Variants in MAMSTR observed in about 807,000 individuals in gnomAD.
The protein encoded by MAMSTR is MEF2 activating motif and SAP domain containing transcriptional regulator, also known as MEF2-activating motif and SAP domain-containing transcriptional regulator.
In MAMSTR, 41 loss-of-function variants were observed where a neutral mutation model predicts 42.7. That is an observed-to-expected ratio of 0.96 (90% CI 0.75 to 1.25). The LOEUF (loss-of-function observed/expected upper bound fraction) is 1.25. Among genes scored for constraint, MAMSTR ranks in the 50% most tolerant of loss-of-function variants. The pLI is 0.00. For synonymous variants in MAMSTR, 265 were observed against 244.1 expected, an observed-to-expected ratio of 1.09 and a Z score of -0.80; for missense variants, 567 against 557.6, an observed-to-expected ratio of 1.02 and a Z score of -0.17.
At chr19:48,718,066 C>T (rs1348252550) in intron 2 of MAMSTR, among the ~76,000 whole-genome samples, 2 of 152,172 alleles carry the variant, frequency 1.3e-5, no homozygotes, top group East Asian at 1.9e-4. Context: ...TGGTCTTGAA[C>T]TCCTGACCTC....
the MAMSTR span, among the ~76,000 whole-genome samples, chr19:48,707,064 G>C: frequency 6.6e-6 from 1 of 151,838 alleles, no homozygotes; most frequent in African/African-American, 2.4e-5. Context: ...CCTGTGCATA[G>C]CCACTGCATT....
intron 6 of MAMSTR, 91 bp downstream of exon 6, chr19:48,714,715 T>C: frequency 7.6e-7 from 1 of 1,309,730 alleles, no homozygotes; most frequent in South Asian, 1.2e-5. Context: ...CCCGATCTCC[T>C]GGATTTCCAG....
At chr19:48,712,177 G>C (rs1177017488), downstream of MAMSTR, among the ~76,000 whole-genome samples, 2 of 152,084 alleles carry the variant, frequency 1.3e-5, no homozygotes, top group African/African-American at 4.8e-5. Context: ...ACAGGCGTTT[G>C]CCACTGAGCC....
chr19:48,711,233 C>G (rs764245371), downstream of MAMSTR, among the ~76,000 whole-genome samples: 22 of 152,220 alleles, frequency 1.4e-4, no homozygotes, highest in Non-Finnish European at 3.1e-4. Flanking sequence ...AATACTCACT[C>G]TTGGGAGCCC....
intron 5 of MAMSTR, 99 bp downstream of exon 5, chr19:48,715,163 G>A (rs2032945827): frequency 9.0e-7 from 1 of 1,107,428 alleles, no homozygotes; most frequent in Non-Finnish European, 1.3e-6. Context: ...AGAGAGGGTT[G>A]GGGGCCCCAA....
rs972206959 is a variant in MAMSTR at position 48,715,650 on chromosome 19, C to T, written c.215G>A (p.Cys72Tyr). ...PGVLLPEPEY[C>Y]PPWRSPKKES... Reference sequence around the variant, plus strand: ...CTTCTTTGGGGACCTCCAAGGAGGACAATATTCTGGCTCGGGGAGCAGGAC... The same window carrying T: ...CTTCTTTGGGGACCTCCAAGGAGGATAATATTCTGGCTCGGGGAGCAGGAC... The change falls in exon 4 of 10, where the codon TGT becomes TAT. Residue 72 changes from cysteine to tyrosine, a missense_variant. Cys to Tyr is a radical substitution (Grantham distance 194). Transcript: ENST00000318083. 6.5e-7 allele frequency: 1 copy of T among 1,543,682 alleles called. No individual in the cohort carries two copies. Among genetic ancestry groups the T allele is most frequent in the East Asian group, 2.5e-5 (1 of 40,498 alleles).
At chr19:48,711,589 T>C (rs2032726280), downstream of MAMSTR, among the ~76,000 whole-genome samples, 2 of 149,136 alleles carry the variant, frequency 1.3e-5, no homozygotes, top group African/African-American at 5.0e-5. Flanking sequence ...TTTGTTTGTT[T>C]TGAGATGGAG....
At chr19:48,718,243 G>A (rs933148631) in intron 2 of MAMSTR, among the ~76,000 whole-genome samples, 1 of 152,060 alleles carries the variant, frequency 6.6e-6, no homozygotes, top group South Asian at 2.1e-4. Context: ...GGACATATGC[G>A]CCTTTTTGTA....
downstream of MAMSTR, among the ~76,000 whole-genome samples, chr19:48,707,901 A>AAAAGAAAGAAAGAAAGG (rs1281685985): frequency 4.4e-3 from 564 of 128,316 alleles, 16 homozygotes; most frequent in African/African-American, 0.016. Flanking sequence ...AGAAAGAAAG[A>AAAAGAAAGAAAGAAAGG]AAGGAAGAAA....
At chr19:48,717,716 A>AT (rs1568470645) in intron 2 of MAMSTR, among the ~76,000 whole-genome samples, 2 of 139,842 alleles carry the variant, frequency 1.4e-5, no homozygotes, top group Admixed American at 7.1e-5. Flanking sequence ...TATTATTATT[A>AT]TTTTTTGAGA....
chr19:48,707,891 A>G (rs142447092), downstream of MAMSTR, among the ~76,000 whole-genome samples: 67 of 99,408 alleles, frequency 6.7e-4, 1 homozygote, highest in Middle Eastern at 0.012. Context: ...AAGAAAGAAA[A>G]GAAAGAAAGA....
Position 48,714,065 on chromosome 19 carries a change from G to C in MAMSTR, c.724-20C>G, listed in dbSNP as rs540042962. On this transcript the variant is annotated intron_variant, in intron 7 of 9. Transcript: ENST00000318083. ...CTTGACCTAGAGCAGCCAAGAGGGC[G>C]AGCGCCCATAAGCCATGCCCACAGG... 6.4e-7 allele frequency: 1 copy of C among 1,556,320 alleles called. No homozygotes were observed. Among genetic ancestry groups the C allele is most frequent in the South Asian group, 1.2e-5 (1 of 81,998 alleles).
chr19:48,707,792 C>G (rs1397377264), downstream of MAMSTR, among the ~76,000 whole-genome samples: 7 of 69,422 alleles, frequency 1.0e-4, no homozygotes, highest in Non-Finnish European at 1.8e-4. Context: ...AAGAAAGAAA[C>G]AAAGAAGGAA....
rs1371838735 is a variant in MAMSTR, at chr19:48,714,403, T to C, written c.686A>G (p.Lys229Arg). 1.2e-5 allele frequency: 16 copies of C among 1,390,070 alleles called. No individual in the cohort carries two copies. The highest frequency in any genetic ancestry group is 1.7e-5 in the South Asian group (1 of 60,526). 86.1% of individuals were successfully genotyped at this position (1,390,070 alleles called of 1,614,324 possible). A position where few individuals can be genotyped will look rare whatever the true frequency, so the allele number is the denominator to read the frequency against. ...SPAGAPWPRL[K>R]PKALAAARRQ... ...CCGGGCGGCTGCCAGGGCCTTGGGCTTGAGGCGCGGCCAGGGAGCACCCGC... is the reference window on the plus strand; with the variant it reads ...CCGGGCGGCTGCCAGGGCCTTGGGCCTGAGGCGCGGCCAGGGAGCACCCGC... The change falls in exon 7 of 10, where the codon AAG becomes AGG. Residue 229 changes from lysine to arginine, a missense_variant. By Grantham distance (26) the Lys-to-Arg change is conservative. Coordinates refer to ENST00000318083, the MANE Select transcript of MAMSTR (RefSeq NM_001130915.2).
downstream of MAMSTR, among the ~76,000 whole-genome samples, chr19:48,707,863 G>GAA (rs1464857362): frequency 9.7e-6 from 1 of 103,454 alleles, no homozygotes; most frequent in Non-Finnish European, 2.1e-5. Context: ...AAGAAAGAAA[G>GAA]AAAGAAAGAA....
chr19:48,715,972 A>G (rs2033007398), intron 3 of MAMSTR: 3 of 1,377,108 alleles, frequency 2.2e-6, no homozygotes, highest in Non-Finnish European at 2.8e-6. Flanking sequence ...GTAAAGCAGG[A>G]ATTTTCTATC....
chr19:48,718,004 G>T (rs567433176), intron 2 of MAMSTR, among the ~76,000 whole-genome samples: 2 of 152,226 alleles, frequency 1.3e-5, no homozygotes, highest in East Asian at 3.9e-4. Flanking sequence ...CTTGCCCGGC[G>T]TCATTTTTTT....
downstream of MAMSTR, among the ~76,000 whole-genome samples, chr19:48,707,872 A>AAAGAAAAGAAAGAAAGAAAGGAAGG (rs2032671903): frequency 1.8e-5 from 2 of 112,920 alleles, no homozygotes; most frequent in African/African-American, 7.6e-5. Flanking sequence ...AGAAAGAAAG[A>AAAGAAAAGAAAGAAAGAAAGGAAGG]AAGAAAGAAA....
Position 48,717,802 on chromosome 19 carries a change from G to T in MAMSTR, c.59-1059C>A, listed in dbSNP as rs1245522283. Among the ~76,000 whole-genome samples, 3 of 151,794 alleles carry T rather than the reference G, an allele frequency of 2.0e-5. 1 individual carries two copies. The highest frequency in any genetic ancestry group is 4.4e-5 in the Non-Finnish European group (3 of 67,938). Reference sequence around the variant, plus strand: ...TCACTGCAACCTCCACCTCCCGGGTGCAAGCAATTCTCCTGCCTCAGCCTC... The same window carrying T: ...TCACTGCAACCTCCACCTCCCGGGTTCAAGCAATTCTCCTGCCTCAGCCTC... On this transcript the variant is annotated intron_variant, in intron 2 of 9. Transcript: ENST00000318083.
Sources: gnomAD v4.1 joint callset for allele counts (sites outside exome capture counted in the v4.1 genomes callset) on GRCh38, gnomAD v4.1.1 for gene constraint, MANE v1.5 for transcripts, NCBI Gene and HGNC (gene_info 2026-07-23, HGNC 2026-07-21) for gene names.